CLHC1: variants seen among roughly 807,000 people sequenced by gnomAD.
CLHC1 encodes the protein clathrin heavy chain linker domain containing 1, also known as clathrin heavy chain linker domain-containing protein 1.
Under a neutral mutation model 69.5 loss-of-function variants are expected in CLHC1, and 72 were observed. The observed-to-expected ratio is 1.04, with a 90% CI of 0.86 to 1.26. The LOEUF (loss-of-function observed/expected upper bound fraction) is 1.26. Among genes scored for constraint, CLHC1 ranks in the 50% most tolerant of loss-of-function variants. The pLI, the probability that CLHC1 is intolerant of heterozygous loss-of-function variation, is 0.00. For missense variants in CLHC1, 790 were observed against 679.3 expected, an observed-to-expected ratio of 1.16 and a Z score of -1.81; for synonymous variants, 223 against 224.3, an observed-to-expected ratio of 0.99 and a Z score of 0.05.
intron 3 of CLHC1, 76 bp downstream of exon 3, chr2:55,222,159 G>T: frequency 1.0e-6 from 1 of 989,068 alleles, no homozygotes; most frequent in Non-Finnish European, 1.6e-6. Flanking sequence ...GTGTTACTAA[G>T]GCAGGAATAT....
Position 55,193,426 on chromosome 2 carries a change from G to T in CLHC1, c.1007-11682C>A, listed in dbSNP as rs539991226. ...TAGGGTTTTAATTCAGACTATATAA[G>T]GAACTCTTAAAACTCAATAATAAAA... On this transcript the variant is annotated intron_variant, in intron 9 of 12. Coordinates refer to ENST00000401408, the MANE Select transcript of CLHC1 (RefSeq NM_152385.4). Among the ~76,000 whole-genome samples, 10 of 151,684 alleles carry T rather than the reference G, an allele frequency of 6.6e-5. No individual in the cohort carries two copies. The South Asian group carries it at 1.9e-3, about 28-fold the overall frequency.
chr2:55,210,850 A>T (rs1302413695), intron 5 of CLHC1, among the ~76,000 whole-genome samples: 4 of 152,100 alleles, frequency 2.6e-5, no homozygotes, highest in East Asian at 3.9e-4. Context: ...CCTTTAAAAA[A>T]TATGTAGATA....
At chr2:55,180,419 G>C (rs750250572) in intron 11 of CLHC1, 91 bp downstream of exon 11, 5 of 872,730 alleles carry the variant, frequency 5.7e-6, no homozygotes, top group Middle Eastern at 4.7e-4. Context: ...ATTTTATAAC[G>C]TAAGTTTAAA....
chr2:55,193,697 C>G (rs754575441), intron 9 of CLHC1, among the ~76,000 whole-genome samples: 29 of 152,104 alleles, frequency 1.9e-4, no homozygotes, highest in Non-Finnish European at 3.5e-4. Context: ...ACGGTGCAAC[C>G]AAACAGATTA....
Position 55,177,749 on chromosome 2 carries a change from G to C in CLHC1, c.1417C>G (p.Gln473Glu). ...DLLQLLMSCPQVELIQCLTKE... is the reference protein window; with the variant it reads ...DLLQLLMSCPEVELIQCLTKE... ...GTGAGACACTGAATTAATTCAACTT[G>C]GGGACATGACATTAATAGCTGCAAC... The change falls in exon 12 of 13, where the codon CAA becomes GAA. Residue 473 changes from glutamine (Q) to glutamate (E), a missense_variant. Gln to Glu is a conservative substitution (Grantham distance 29). Coordinates refer to ENST00000401408, the MANE Select transcript of CLHC1 (RefSeq NM_152385.4). 2 of 1,611,288 alleles carry C rather than the reference G, an allele frequency of 1.2e-6. No individual in the cohort carries two copies. The highest frequency in any genetic ancestry group is 2.2e-5 in the East Asian group (1 of 44,828).
At chr2:55,223,067 T>C (rs1488370526) in intron 2 of CLHC1, among the ~76,000 whole-genome samples, 1 of 152,076 alleles carries the variant, frequency 6.6e-6, no homozygotes, top group Non-Finnish European at 1.5e-5. Context: ...TAATCGATGG[T>C]TTCTTATGTA....
chr2:55,207,824 A>C (rs544017772), intron 8 of CLHC1, among the ~76,000 whole-genome samples: 36 of 152,298 alleles, frequency 2.4e-4, no homozygotes, highest in African/African-American at 8.4e-4. Flanking sequence ...AATACGGCAA[A>C]ATGTTAATTT....
intron 9 of CLHC1, among the ~76,000 whole-genome samples, chr2:55,188,872 G>C (rs922562827): frequency 2.6e-5 from 4 of 152,116 alleles, no homozygotes; most frequent in Admixed American, 2.6e-4. Flanking sequence ...CAGGATTAAA[G>C]AATATATGCA....
intron 1 of CLHC1, among the ~76,000 whole-genome samples, chr2:55,228,782 G>C (rs1674961954): frequency 6.6e-6 from 1 of 152,154 alleles, no homozygotes; most frequent in Non-Finnish European, 1.5e-5. Flanking sequence ...CTAGACAATG[G>C]AGACACAGTA....
At chr2:55,207,229 A>C (rs1558490397) in intron 8 of CLHC1, among the ~76,000 whole-genome samples, 1 of 152,160 alleles carries the variant, frequency 6.6e-6, no homozygotes, top group Non-Finnish European at 1.5e-5. Context: ...CACAAGAAGG[A>C]AAGATAATAG....
chr2:55,184,840 G>A lies in CLHC1; in HGVS notation c.1007-3096C>T, dbSNP rs567446578. ...GAATCGCTTGAACCCAGGAAGCGGA[G>A]GTTGCAGTGAGCTGAGATCGTGCCA... is the stretch of plus-strand genomic sequence containing the variant. On this transcript the variant is annotated intron_variant, in intron 9 of 12. Coordinates refer to ENST00000401408, the MANE Select transcript of CLHC1 (RefSeq NM_152385.4). 2.8e-4 allele frequency among the ~76,000 whole-genome samples: 43 copies of A among 151,662 alleles called. No homozygotes were observed. In the East Asian group the frequency reaches 6.2e-3, roughly 22 times the overall value.
intron 9 of CLHC1, among the ~76,000 whole-genome samples, chr2:55,199,014 T>C (rs547989248): frequency 3.6e-4 from 54 of 151,998 alleles, no homozygotes; most frequent in Non-Finnish European, 5.4e-4. Context: ...AATGCTGAGG[T>C]GGCCAGGTGC....
chr2:55,208,661 T>G lies in CLHC1; in HGVS notation c.864A>C (p.Ala288=). ...EELMEDDPRR[A]KEAEIMLHYI... is the part of the protein sequence containing the mutation. ...AGTGAAGCATAATTTCAGCTTCTTT[T>G]GCCCTGCGTGGATCATCTTCCATTA... is the stretch of plus-strand genomic sequence containing the variant. The change falls in exon 8 of 13, where the codon GCA becomes GCC. Residue 288 remains alanine (A), a synonymous_variant. Transcript: ENST00000401408. 1.2e-6 allele frequency: 2 copies of G among 1,612,628 alleles called. No individual in the cohort carries two copies. Among genetic ancestry groups the G allele is most frequent in the Non-Finnish European group, 1.7e-6 (2 of 1,178,804 alleles).
intron 4 of CLHC1, chr2:55,215,952 C>T (rs1312055117): frequency 1.3e-5 from 2 of 151,978 alleles, no homozygotes; most frequent in African/African-American, 4.8e-5. Context: ...GGAGGTCAAA[C>T]TTTGCATAGT....
At chr2:55,208,124 G>T (rs1281672922) in intron 8 of CLHC1, among the ~76,000 whole-genome samples, 1 of 152,266 alleles carries the variant, frequency 6.6e-6, no homozygotes, top group South Asian at 2.1e-4. Context: ...GTAACATCAG[G>T]TTGATAGCTA....
At chr2:55,218,518 A>G (rs1032669542) in intron 3 of CLHC1, 1 of 152,132 alleles carries the variant, frequency 6.6e-6, no homozygotes, top group Admixed American at 6.6e-5. Flanking sequence ...ACCCCTCATC[A>G]CTATACATTC....
chr2:55,182,642 CA>C (rs1670036812), intron 9 of CLHC1, among the ~76,000 whole-genome samples: 1 of 152,014 alleles, frequency 6.6e-6, no homozygotes, highest in African/African-American at 2.4e-5. Flanking sequence ...ATTTAGAGAA[CA>C]AAAAGACCAG....
At chr2:55,205,936 C>T (rs937331015) in intron 9 of CLHC1, among the ~76,000 whole-genome samples, 1 of 151,512 alleles carries the variant, frequency 6.6e-6, no homozygotes, top group African/African-American at 2.4e-5. Flanking sequence ...TTAATATGTA[C>T]AATTTGTTGT....
chr2:55,199,373 A>G (rs1325303293), intron 9 of CLHC1, among the ~76,000 whole-genome samples: 1 of 151,938 alleles, frequency 6.6e-6, no homozygotes, highest in Admixed American at 6.6e-5. Context: ...TTAACGAACA[A>G]TAAGAAATTA....
Sources: gnomAD v4.1 joint callset for allele counts (sites outside exome capture counted in the v4.1 genomes callset) on GRCh38, gnomAD v4.1.1 for gene constraint, MANE v1.5 for transcripts, NCBI Gene and HGNC (gene_info 2026-07-23, HGNC 2026-07-21) for gene names.